The following KCND3 variants were observed in gnomAD, a reference collection of about 807,000 sequenced individuals.
KCND3 encodes the protein A-type voltage-gated potassium channel KCND3.
A neutral mutation model predicts 51.1 loss-of-function variants in KCND3; 9 were observed. That is an observed-to-expected ratio of 0.18 (90% CI 0.11 to 0.31). The LOEUF (loss-of-function observed/expected upper bound fraction) is 0.31, where lower values mean the gene tolerates loss of function less well. KCND3 is among the 10% of genes least tolerant of loss of function. KCND3 has a pLI of 1.00. For missense variants in KCND3, 526 were observed against 903.8 expected, an observed-to-expected ratio of 0.58 and a Z score of 5.36; for synonymous variants, 349 against 368.0, an observed-to-expected ratio of 0.95 and a Z score of 0.59.
chr1:111,785,679 C>T (rs901426045), intron 3 of KCND3, among the ~76,000 whole-genome samples: 3 of 152,138 alleles, frequency 2.0e-5, no homozygotes, highest in East Asian at 1.9e-4. Flanking sequence ...AGCTAGCTTT[C>T]GTAACCTTTA....
intron 2 of KCND3, among the ~76,000 whole-genome samples, chr1:111,888,857 C>T (rs190467804): frequency 1.3e-5 from 2 of 151,928 alleles, no homozygotes; most frequent in East Asian, 3.9e-4. Context: ...GAAGAAAGAA[C>T]CCTGGGCTTT....
intron 2 of KCND3, among the ~76,000 whole-genome samples, chr1:111,951,157 CAAAAA>C (rs71081206): frequency 2.3e-4 from 7 of 30,638 alleles, no homozygotes; most frequent in South Asian, 8.9e-4. Flanking sequence ...CAAACAAGAG[CAAAAA>C]AAAAAAAAAA....
chr1:111,838,520 G>A (rs983582480), intron 2 of KCND3, among the ~76,000 whole-genome samples: 1 of 152,150 alleles, frequency 6.6e-6, no homozygotes, highest in Admixed American at 6.5e-5. Context: ...AGCCGGGCAT[G>A]GTGGCAGGCG....
At chr1:111,882,453 C>T (rs1048180456) in intron 2 of KCND3, among the ~76,000 whole-genome samples, 3 of 152,226 alleles carry the variant, frequency 2.0e-5, no homozygotes, top group Non-Finnish European at 2.9e-5. Flanking sequence ...AGGAAGAGAA[C>T]ACTGTGCAGA....
At chr1:111,878,879 G>C (rs889808682) in intron 2 of KCND3, among the ~76,000 whole-genome samples, 3 of 152,192 alleles carry the variant, frequency 2.0e-5, no homozygotes, top group African/African-American at 7.2e-5. Flanking sequence ...TTCCTGATGA[G>C]ATCAACATTC....
chr1:111,879,577 G>A (rs565317823), intron 2 of KCND3, among the ~76,000 whole-genome samples: 1 of 152,228 alleles, frequency 6.6e-6, no homozygotes, highest in African/African-American at 2.4e-5. Flanking sequence ...GCAGCTTACT[G>A]GAGTGTCTAG....
At chr1:111,801,657 C>T (rs2101547034) in intron 2 of KCND3, among the ~76,000 whole-genome samples, 1 of 152,298 alleles carries the variant, frequency 6.6e-6, no homozygotes, top group South Asian at 2.1e-4. Context: ...CAGGTGTCCC[C>T]CACTCTTCAG....
chr1:111,863,105 G>A (rs1312536543), intron 2 of KCND3, among the ~76,000 whole-genome samples: 1 of 152,210 alleles, frequency 6.6e-6, no homozygotes, highest in Non-Finnish European at 1.5e-5. Flanking sequence ...CAATGGGCTG[G>A]GCAGGGCTAG....
chr1:111,907,797 T>C (rs72692591), intron 2 of KCND3, among the ~76,000 whole-genome samples: 277 of 152,368 alleles, frequency 1.8e-3, no homozygotes, highest in Non-Finnish European at 2.8e-3. Flanking sequence ...AAAGGAAAGC[T>C]GTCTGGAGAC....
At chr1:111,971,310 A>G (rs536543289) in intron 2 of KCND3, among the ~76,000 whole-genome samples, 1 of 148,634 alleles carries the variant, frequency 6.7e-6, no homozygotes, top group African/African-American at 2.5e-5. Context: ...AAAAAAAAAA[A>G]AACACCACAA....
chr1:111,815,627 A>T (rs1004095040), intron 2 of KCND3, among the ~76,000 whole-genome samples: 1 of 150,322 alleles, frequency 6.7e-6, no homozygotes, highest in Non-Finnish European at 1.5e-5. Context: ...TAATTTTCCA[A>T]CCACCAACAC....
intron 2 of KCND3, among the ~76,000 whole-genome samples, chr1:111,797,191 G>A (rs1466690150): frequency 2.0e-5 from 3 of 152,256 alleles, no homozygotes; most frequent in Non-Finnish European, 4.4e-5. Context: ...TGATGTTGGT[G>A]ATCTGGGGAC....
chr1:111,887,780 T>C (rs1669635055), intron 2 of KCND3, among the ~76,000 whole-genome samples: 1 of 152,140 alleles, frequency 6.6e-6, no homozygotes, highest in South Asian at 2.1e-4. Flanking sequence ...CTTCAAAGCA[T>C]CCAGGAATGG....
chr1:111,804,531 G>T (rs1046976202), intron 2 of KCND3, among the ~76,000 whole-genome samples: 1 of 152,184 alleles, frequency 6.6e-6, no homozygotes, highest in Non-Finnish European at 1.5e-5. Flanking sequence ...GCAGGGCTCC[G>T]CAAGGCTTCC....
intron 2 of KCND3, among the ~76,000 whole-genome samples, chr1:111,841,793 G>A (rs947803369): frequency 1.3e-5 from 2 of 152,152 alleles, no homozygotes; most frequent in Admixed American, 6.5e-5. Flanking sequence ...AGGCATTTCC[G>A]TTTCCTCTGC....
chr1:111,820,300 T>C (rs1666288733), intron 2 of KCND3, among the ~76,000 whole-genome samples: 1 of 152,230 alleles, frequency 6.6e-6, no homozygotes, highest in Non-Finnish European at 1.5e-5. Flanking sequence ...AGTTCAAATG[T>C]CATTTCAAAT....
chr1:111,794,183 T>C (rs1352033198), intron 2 of KCND3, among the ~76,000 whole-genome samples: 7 of 152,256 alleles, frequency 4.6e-5, no homozygotes, highest in Non-Finnish European at 8.8e-5. Flanking sequence ...CCTCCTAATA[T>C]GGAAGGCTAA....
At chr1:111,955,993 C>G (rs1387991499) in intron 2 of KCND3, among the ~76,000 whole-genome samples, 2 of 151,818 alleles carry the variant, frequency 1.3e-5, no homozygotes, top group African/African-American at 4.8e-5. Context: ...CATGTGATAA[C>G]CGACTCATTT....
At chr1:111,914,777 A>G (rs1187646402) in intron 2 of KCND3, among the ~76,000 whole-genome samples, 2 of 152,176 alleles carry the variant, frequency 1.3e-5, no homozygotes, top group Non-Finnish European at 1.5e-5. Flanking sequence ...GAAGTTCTCC[A>G]GGAAAAAGGA....
Sources: allele counts gnomAD v4.1 joint callset (sites outside exome capture counted in the v4.1 genomes callset), GRCh38; gene constraint gnomAD v4.1.1; transcripts MANE v1.5; gene names NCBI Gene and HGNC (gene_info 2026-07-23, HGNC 2026-07-21).